Variants in TUT4 observed in about 807,000 individuals in gnomAD.
TUT4 encodes the protein terminal uridylyl transferase 4.
Under a neutral mutation model 192.2 loss-of-function variants are expected in TUT4, and 36 were observed. The ratio of observed to expected loss-of-function variants is 0.19; its 90% CI spans 0.14 to 0.25. TUT4 has a LOEUF of 0.25. Ranked by LOEUF, TUT4 falls within the 10% of genes least tolerant of loss-of-function variation. The pLI, the probability that TUT4 is intolerant of heterozygous loss-of-function variation, is 1.00. For synonymous variants in TUT4, 618 were observed against 666.0 expected, an observed-to-expected ratio of 0.93 and a Z score of 1.11; for missense variants, 1,493 against 1,957.2, an observed-to-expected ratio of 0.76 and a Z score of 4.47.
chr1:52,549,952 A>G (rs575426898), intron 1 of TUT4, among the ~76,000 whole-genome samples: 2 of 152,198 alleles, frequency 1.3e-5, no homozygotes, highest in South Asian at 4.2e-4. Flanking sequence ...GACACCACAC[A>G]AATCTCTCAC....
At chr1:52,540,062 C>CA (rs530552019) in intron 1 of TUT4, among the ~76,000 whole-genome samples, 119 of 149,262 alleles carry the variant, frequency 8.0e-4, no homozygotes, top group African/African-American at 2.8e-3. Context: ...ACTAAAAATA[C>CA]AAAAAAATTA....
intron 1 of TUT4, among the ~76,000 whole-genome samples, chr1:52,527,261 A>T (rs967464295): frequency 6.6e-6 from 1 of 152,162 alleles, no homozygotes; most frequent in African/African-American, 2.4e-5. Flanking sequence ...TTAAAAACCA[A>T]CAGGGGCCGG....
At chr1:52,439,066 T>TC in intron 24 of TUT4, among the ~76,000 whole-genome samples, 1 of 111,058 alleles carries the variant, frequency 9.0e-6, no homozygotes, top group South Asian at 3.3e-4. Flanking sequence ...CAAGACTCCA[T>TC]CTAAAAAAAA....
chr1:52,533,483 T>C (rs79189153), intron 1 of TUT4, among the ~76,000 whole-genome samples: 1 of 152,178 alleles, frequency 6.6e-6, no homozygotes, highest in Non-Finnish European at 1.5e-5. Context: ...TGTTCTCTCC[T>C]TGGATATCCC....
At chr1:52,498,654 A>G (rs1673118588) in intron 4 of TUT4, among the ~76,000 whole-genome samples, 1 of 151,820 alleles carries the variant, frequency 6.6e-6, no homozygotes, top group South Asian at 2.1e-4. Flanking sequence ...TGGGAGGCCA[A>G]GGCAGGCGTA....
intron 2 of TUT4, among the ~76,000 whole-genome samples, chr1:52,518,281 A>C (rs567607694): frequency 1.3e-5 from 2 of 152,332 alleles, no homozygotes; most frequent in African/African-American, 4.8e-5. Flanking sequence ...AGGCTGCCAC[A>C]ACAAAATACT....
chr1:52,539,491 C>T (rs932893045), intron 1 of TUT4, among the ~76,000 whole-genome samples: 2 of 152,106 alleles, frequency 1.3e-5, no homozygotes, highest in Non-Finnish European at 2.9e-5. Context: ...AATTTCCTGG[C>T]TTTGAGGAAA....
chr1:52,522,987 C>CTTTTTTTTTTTTTTTTTTT (rs748149518), intron 2 of TUT4, among the ~76,000 whole-genome samples: 1 of 89,566 alleles, frequency 1.1e-5, no homozygotes. Flanking sequence ...CCTTAACTAT[C>CTTTTTTTTTTTTTTTTTTT]TTTTTTTTTT....
intron 2 of TUT4, among the ~76,000 whole-genome samples, chr1:52,522,145 ATTATACATGAAT>A (rs1434349009): frequency 3.9e-5 from 6 of 152,214 alleles, no homozygotes; most frequent in Admixed American, 3.9e-4. Flanking sequence ...TACATATCAT[ATTATACATGAAT>A]TTAAAGAGAA....
intron 20 of TUT4, among the ~76,000 whole-genome samples, chr1:52,448,771 G>C (rs1317487974): frequency 3.9e-5 from 6 of 152,008 alleles, no homozygotes; most frequent in Non-Finnish European, 5.9e-5. Flanking sequence ...AGATTTATTT[G>C]CTAGATATTG....
chr1:52,474,584 G>A (rs1189002143), intron 13 of TUT4, among the ~76,000 whole-genome samples: 3 of 152,064 alleles, frequency 2.0e-5, no homozygotes, highest in African/African-American at 7.2e-5. Context: ...AATATCAGAT[G>A]AATCCTTTCA....
chr1:52,437,087 C>T (rs779737793), intron 25 of TUT4, 109 bp from the exon 26 acceptor site: 102 of 1,434,786 alleles, frequency 7.1e-5, no homozygotes, highest in African/African-American at 1.0e-4. Flanking sequence ...TCATTTCATG[C>T]GTCTTTTTGA....
At chr1:52,484,789 C>T (rs1052602943) in intron 9 of TUT4, among the ~76,000 whole-genome samples, 4 of 152,182 alleles carry the variant, frequency 2.6e-5, no homozygotes, top group African/African-American at 9.6e-5. Context: ...CCTTTTTGCT[C>T]CTCCTGAGTT....
At chr1:52,507,749 T>C (rs1676001755) in intron 4 of TUT4, among the ~76,000 whole-genome samples, 1 of 152,120 alleles carries the variant, frequency 6.6e-6, no homozygotes, top group Non-Finnish European at 1.5e-5. Flanking sequence ...AAATCCAAAA[T>C]ACTTTGGTCC....
intron 12 of TUT4, 43 bp from the exon 13 acceptor site, chr1:52,475,578 A>C (rs748734131): frequency 3.1e-5 from 47 of 1,499,598 alleles, no homozygotes; most frequent in Middle Eastern, 3.5e-4. Context: ...CTCTACTAAC[A>C]AACTACATTT....
intron 4 of TUT4, among the ~76,000 whole-genome samples, chr1:52,501,145 A>G (rs1673975844): frequency 2.0e-5 from 3 of 152,204 alleles, no homozygotes; most frequent in African/African-American, 4.8e-5. Flanking sequence ...TCATCAAAAG[A>G]CACTACTGAC....
chr1:52,516,104 A>T, intron 2 of TUT4, 50 bp from the exon 3 acceptor site: 1 of 1,432,508 alleles, frequency 7.0e-7, no homozygotes, highest in Non-Finnish European at 9.6e-7. Flanking sequence ...GTAAATTTTT[A>T]AATTTTTTAA....
intron 20 of TUT4, among the ~76,000 whole-genome samples, chr1:52,457,116 T>C (rs1254719494): frequency 6.6e-6 from 1 of 152,214 alleles, no homozygotes; most frequent in Non-Finnish European, 1.5e-5. Context: ...CCATCCATTG[T>C]TTAAAACAGG....
chr1:52,472,217 C>A, intron 13 of TUT4, 115 bp from the exon 14 acceptor site: 2 of 1,024,412 alleles, frequency 2.0e-6, no homozygotes, highest in Non-Finnish European at 2.7e-6. Flanking sequence ...CCTGTGCTTT[C>A]AGGAGGTAAT....
Sources: gnomAD v4.1 joint callset for allele counts (sites outside exome capture counted in the v4.1 genomes callset) on GRCh38, gnomAD v4.1.1 for gene constraint, MANE v1.5 for transcripts, NCBI Gene and HGNC (gene_info 2026-07-23, HGNC 2026-07-21) for gene names.